CAT: variants seen among roughly 807,000 people sequenced by gnomAD.
CAT encodes the protein epididymis secretory sperm binding protein.
CAT carries 43 observed loss-of-function variants against 59.0 expected under a neutral mutation model. The ratio of observed to expected loss-of-function variants is 0.73; its 90% confidence interval spans 0.57 to 0.94. CAT has a LOEUF of 0.94. Among genes scored for constraint, CAT ranks in the 40% least tolerant of loss-of-function variants. The pLI is 0.00. For synonymous variants in CAT, 218 were observed against 230.9 expected (o/e 0.94, Z 0.51); for missense variants, 664 against 682.9 (o/e 0.97, Z 0.31).
chr11:34,457,076 T>C, intron 8 of CAT: 1 of 484,526 alleles, frequency 2.1e-6, no homozygotes, highest in Non-Finnish European at 3.7e-6. Context: ...ACTCTCTTAA[T>C]TAAAAAAAAA....
At chr11:34,458,167 G>A (rs564490247) in intron 8 of CAT, among the ~76,000 whole-genome samples, 2 of 152,298 alleles carry the variant, frequency 1.3e-5, no homozygotes, top group South Asian at 2.1e-4. Context: ...AGAATAGATA[G>A]GATTTTGATT....
chr11:34,464,126 C>G lies in CAT; in HGVS notation c.1217C>G (p.Pro406Arg). 4.3e-6 allele frequency: 7 copies of G among 1,614,148 alleles called. No homozygotes were observed. Among genetic ancestry groups the G allele is most frequent in the Non-Finnish European group, 5.9e-6 (7 of 1,180,030 alleles). Residue 406 changes from proline (P) to arginine (R), a missense_variant, in exon 10 of 13, where the codon CCC (proline) becomes CGC (arginine). By Grantham distance (103) the Pro-to-Arg change is moderately radical (BLOSUM62 -2). Transcript: ENST00000241052. ...DNQGGAPNYY[P>R]NSFGAPEQQP... ...GAAGGTGGTGCTCCAAATTACTACC[C>G]CAACAGCTTTGGTGCTCCGGAACAA...
Position 34,471,509 on chromosome 11 carries a change from C to T in CAT, c.*76C>T, listed in dbSNP as rs901979754. On this transcript the variant is annotated 3_prime_UTR_variant, in exon 13 of 13. Coordinates refer to ENST00000241052, the MANE Select transcript of CAT (RefSeq NM_001752.4). ...CCGCTCATCACTGGATGAAGATTCT[C>T]CTGTGCTAGATGTGCAAATGCAAGC... 8.7e-6 allele frequency: 11 copies of T among 1,271,466 alleles called. No individual in the cohort carries two copies. The highest frequency in any genetic ancestry group is 2.9e-5 in the African/African-American group (2 of 68,178). 78.8% of individuals were successfully genotyped at this position (1,271,466 alleles called of 1,614,324 possible).
chr11:34,446,304 A>G (rs1856454544), intron 1 of CAT, among the ~76,000 whole-genome samples: 1 of 152,234 alleles, frequency 6.6e-6, no homozygotes, highest in Non-Finnish European at 1.5e-5. Context: ...AGGACAATTG[A>G]TCTAACTGTT....
chr11:34,466,571 A>T (rs368383874), intron 10 of CAT, among the ~76,000 whole-genome samples: 3 of 152,062 alleles, frequency 2.0e-5, no homozygotes, highest in African/African-American at 7.2e-5. Flanking sequence ...AGGTCAGGAG[A>T]TCAAGACCAT....
At chr11:34,452,385 A>G (rs765588874) in intron 4 of CAT, among the ~76,000 whole-genome samples, 178 bp downstream of exon 4, 3 of 152,194 alleles carry the variant, frequency 2.0e-5, no homozygotes, top group Non-Finnish European at 4.4e-5. Context: ...AACAGTTACC[A>G]TTGGTCTTAG....
chr11:34,468,332 A>AC lies in CAT; in HGVS notation c.1372dup (p.Arg458ProfsTer4). ...ACGTGCTGAATGAGGAACAGAGGAAACGTCTGTGTGAGAACATTGCCGGCC... is the reference window on the plus strand; with the variant it reads ...ACGTGCTGAATGAGGAACAGAGGAAACCGTCTGTGTGAGAACATTGCCGGCC... On this transcript the variant is annotated frameshift_variant, in exon 11 of 13. Transcript: ENST00000241052. LOFTEE classifies it high-confidence loss of function. 3 of 1,614,130 alleles carry AC rather than the reference A, an allele frequency of 1.9e-6. No individual in the cohort carries two copies. Among genetic ancestry groups the AC allele is most frequent in the Middle Eastern group, 1.6e-4 (1 of 6,062 alleles).
rs1368291322 is a variant in CAT, at chr11:34,461,374, A to G, written c.1180A>G (p.Met394Val). ...CTACCAGCGTGACGGCCCGATGTGC[A>G]TGCAGGACAATCAGGGTAGGCCTAA... Reference protein sequence around the residue: ...ANYQRDGPMCMQDNQGGAPNY... With the variant: ...ANYQRDGPMCVQDNQGGAPNY... Residue 394 changes from methionine (M) to valine (V), a missense_variant, in exon 9 of 13, where the codon ATG (methionine) becomes GTG (valine). Transcript: ENST00000241052. 3 of 1,614,210 alleles carry G rather than the reference A, an allele frequency of 1.9e-6. No homozygotes were observed. The highest frequency in any genetic ancestry group is 2.2e-5 in the East Asian group (1 of 44,876).
Position 34,468,277 on chromosome 11 carries a change from T to A in CAT, c.1327-11T>A, listed in dbSNP as rs1458912946. 6.3e-7 allele frequency: 1 copy of A among 1,599,302 alleles called. No homozygotes were observed. Among genetic ancestry groups the A allele is most frequent in the South Asian group, 1.1e-5 (1 of 90,802 alleles). ...ATTCAATTCTCTGCACTTGCTCTTT[T>A]CTCTGAGCAGGTGCGGGCATTCTAT... On this transcript the variant is annotated splice_polypyrimidine_tract_variant and intron_variant, in intron 10 of 12. Coordinates refer to ENST00000241052, the MANE Select transcript of CAT (RefSeq NM_001752.4).
intron 3 of CAT, among the ~76,000 whole-genome samples, chr11:34,451,759 C>T (rs1856526096): frequency 6.6e-6 from 1 of 152,118 alleles, no homozygotes; most frequent in African/African-American, 2.4e-5. Context: ...CTACTTTAAG[C>T]CTCATAATTA....
chr11:34,457,946 A>G (rs1294284496), intron 8 of CAT, among the ~76,000 whole-genome samples: 1 of 152,254 alleles, frequency 6.6e-6, no homozygotes, highest in African/African-American at 2.4e-5. Flanking sequence ...ATTGGGGAAC[A>G]TCTGAGGCTT....
At chr11:34,449,760 A>G (rs1590301007) in intron 2 of CAT, among the ~76,000 whole-genome samples, 2 of 152,336 alleles carry the variant, frequency 1.3e-5, no homozygotes, top group African/African-American at 2.4e-5. Context: ...AACATCATCA[A>G]ACTTCTAAAT....
chr11:34,453,779 G>A, intron 5 of CAT, 22 bp from the exon 6 acceptor site: 1 of 1,608,970 alleles, frequency 6.2e-7, no homozygotes, highest in Non-Finnish European at 8.5e-7. Context: ...AACATTTTAG[G>A]CTTTATATTT....
At chr11:34,466,542 C>G (rs1468486943) in intron 10 of CAT, among the ~76,000 whole-genome samples, 1 of 152,054 alleles carries the variant, frequency 6.6e-6, no homozygotes, top group African/African-American at 2.4e-5. Context: ...CTTTGGGAGG[C>G]TGAGGTGGGC....
intron 10 of CAT, among the ~76,000 whole-genome samples, chr11:34,465,080 G>A (rs1856699267): frequency 6.6e-6 from 1 of 152,204 alleles, no homozygotes; most frequent in Non-Finnish European, 1.5e-5. Context: ...TGGAAGGGCT[G>A]TAGGTGGGCA....
intron 8 of CAT, 166 bp downstream of exon 8, chr11:34,456,983 C>T: frequency 1.4e-6 from 1 of 701,176 alleles, no homozygotes; most frequent in Non-Finnish European, 2.5e-6. Flanking sequence ...GTGAACTATT[C>T]TTCAATGAGC....
intron 12 of CAT, 95 bp downstream of exon 12, chr11:34,471,136 C>A: frequency 9.7e-7 from 1 of 1,029,274 alleles, no homozygotes. Context: ...TCTGCAGGGG[C>A]CATTACCTGC....
At chr11:34,469,657 G>A (rs1289510371) in intron 11 of CAT, among the ~76,000 whole-genome samples, 1 of 150,474 alleles carries the variant, frequency 6.6e-6, no homozygotes, top group Non-Finnish European at 1.5e-5. Flanking sequence ...CATCCTGTGA[G>A]GTAGGTTGTG....
chr11:34,439,540 T>G (rs551630513), intron 1 of CAT, among the ~76,000 whole-genome samples: 28 of 152,282 alleles, frequency 1.8e-4, no homozygotes, highest in African/African-American at 6.7e-4. Context: ...TCTTGAGGTC[T>G]CCAGCACCAG....
Sources: gnomAD v4.1 joint callset for allele counts (sites outside exome capture counted in the v4.1 genomes callset) on GRCh38, gnomAD v4.1.1 for gene constraint, MANE v1.5 for transcripts, NCBI Gene and HGNC (gene_info 2026-07-23, HGNC 2026-07-21) for gene names.